RPS6KC1: variants seen among roughly 807,000 people sequenced by gnomAD.
RPS6KC1 encodes the protein inactive ribosomal protein S6 kinase delta-1.
In RPS6KC1, 54 loss-of-function variants were observed where a neutral mutation model predicts 103.8. The observed-to-expected ratio is 0.52, with a 90% CI of 0.42 to 0.65. The LOEUF is 0.65. Among genes scored for constraint, RPS6KC1 ranks in the 30% least tolerant of loss-of-function variants. RPS6KC1 has a pLI of 0.00. For synonymous variants in RPS6KC1, 439 were observed against 438.7 expected, an observed-to-expected ratio of 1.00 and a Z score of -0.01; for missense variants, 1,151 against 1,253.8, an observed-to-expected ratio of 0.92 and a Z score of 1.24.
Position 213,180,387 on chromosome 1 carries a change from A to T in RPS6KC1, c.1044+3895A>T, listed in dbSNP as rs202040561. On this transcript the variant is annotated intron_variant, in intron 8 of 14. Transcript: ENST00000366960. ...ATCCTCATAGGATATAACTAGAACC[A>T]AATTAGTACAAATTCAAGAGAAACA... is the stretch of plus-strand genomic sequence containing the variant. Among the ~76,000 whole-genome samples the T allele has an allele frequency of 3.3e-5, 5 of 152,352 alleles. No homozygotes were observed. In the South Asian group the frequency reaches 1.0e-3, roughly 32 times the overall value.
At chr1:213,737,209 T>C in the RPS6KC1 span, among the ~76,000 whole-genome samples, 1 of 152,250 alleles carries the variant, frequency 6.6e-6, no homozygotes, top group African/African-American at 2.4e-5. Context: ...AGACCTCTTC[T>C]ACAACACCAT....
chr1:213,152,836 G>T (rs2089366977), intron 6 of RPS6KC1, among the ~76,000 whole-genome samples: 1 of 151,870 alleles, frequency 6.6e-6, no homozygotes, highest in Non-Finnish European at 1.5e-5. Flanking sequence ...CCCAGACGGG[G>T]TGGCGGCCGG....
chr1:213,418,121 T>C, the RPS6KC1 span, among the ~76,000 whole-genome samples: 307 of 152,354 alleles, frequency 2.0e-3, 2 homozygotes, highest in Middle Eastern at 6.8e-3. Context: ...AACGTGATTG[T>C]GACCTTGAGT....
the RPS6KC1 span, among the ~76,000 whole-genome samples, chr1:213,478,051 C>G: frequency 1.3e-5 from 2 of 152,086 alleles, no homozygotes; most frequent in Admixed American, 6.5e-5. Context: ...CCTCTAACCC[C>G]GATCTTTTTA....
At chr1:213,456,478 C>T in the RPS6KC1 span, among the ~76,000 whole-genome samples, 24 of 152,176 alleles carry the variant, frequency 1.6e-4, no homozygotes, top group African/African-American at 4.3e-4. Flanking sequence ...CTTCATTTGT[C>T]GCCTTTCTTC....
chr1:213,637,409 A>C, the RPS6KC1 span, among the ~76,000 whole-genome samples: 1 of 51,922 alleles, frequency 1.9e-5, no homozygotes, highest in Non-Finnish European at 3.6e-5. Flanking sequence ...AAAATGTGGC[A>C]GTGGGTGGGG....
intron 8 of RPS6KC1, among the ~76,000 whole-genome samples, chr1:213,226,964 C>A (rs898885525): frequency 6.6e-6 from 1 of 152,202 alleles, no homozygotes; most frequent in Non-Finnish European, 1.5e-5. Context: ...GCCAGACTAC[C>A]CTCTACCACT....
chr1:213,524,238 G>C, the RPS6KC1 span, among the ~76,000 whole-genome samples: 1 of 152,100 alleles, frequency 6.6e-6, no homozygotes, highest in Non-Finnish European at 1.5e-5. Flanking sequence ...CATGCTGCCA[G>C]ACCTGGGAAA....
At chr1:213,515,904 A>C in the RPS6KC1 span, among the ~76,000 whole-genome samples, 10 of 151,854 alleles carry the variant, frequency 6.6e-5, no homozygotes, top group East Asian at 3.9e-4. Flanking sequence ...CTTTTATTTC[A>C]TTGAGCAGTG....
chr1:213,471,314 G>T, the RPS6KC1 span, among the ~76,000 whole-genome samples: 192 of 152,218 alleles, frequency 1.3e-3, no homozygotes, highest in Non-Finnish European at 2.0e-3. Flanking sequence ...GAACTCTGGG[G>T]TTTTTTTAGG....
At chr1:213,260,093 T>C (rs757995925) in intron 12 of RPS6KC1, among the ~76,000 whole-genome samples, 6 of 152,230 alleles carry the variant, frequency 3.9e-5, no homozygotes, top group Non-Finnish European at 8.8e-5. Context: ...CCACAACATA[T>C]ATGATTAAAT....
At chr1:213,850,224 G>T in the RPS6KC1 span, among the ~76,000 whole-genome samples, 1 of 151,974 alleles carries the variant, frequency 6.6e-6, no homozygotes, top group Non-Finnish European at 1.5e-5. Flanking sequence ...TATGATGTTG[G>T]CTGTTGCTTT....
intron 8 of RPS6KC1, among the ~76,000 whole-genome samples, chr1:213,185,413 A>C (rs896025237): frequency 3.9e-5 from 6 of 152,188 alleles, no homozygotes; most frequent in Admixed American, 1.3e-4. Flanking sequence ...TGGGAGGCCA[A>C]GGTGGGCAGG....
At chr1:213,489,264 G>T in the RPS6KC1 span, among the ~76,000 whole-genome samples, 1,633 of 152,292 alleles carry the variant, frequency 0.011, 113 homozygotes, top group Admixed American at 0.097. Context: ...GTCTTTCTGG[G>T]TGTGAAGAGT....
At chr1:213,859,837 A>G in the RPS6KC1 span, among the ~76,000 whole-genome samples, 1 of 152,298 alleles carries the variant, frequency 6.6e-6, no homozygotes, top group Non-Finnish European at 1.5e-5. Flanking sequence ...TAGGACGGAA[A>G]ACTCCATATT....
intron 8 of RPS6KC1, among the ~76,000 whole-genome samples, chr1:213,228,389 G>A (rs986047507): frequency 1.3e-5 from 2 of 152,150 alleles, no homozygotes; most frequent in Middle Eastern, 3.2e-3. Context: ...AAGAAGACAT[G>A]TCTGTAGTGT....
At chr1:213,069,256 A>G (rs1002775949) in intron 1 of RPS6KC1, among the ~76,000 whole-genome samples, 4 of 152,188 alleles carry the variant, frequency 2.6e-5, no homozygotes, top group Admixed American at 1.3e-4. Context: ...ATTAATGACA[A>G]TTACTACAAG....
intron 12 of RPS6KC1, among the ~76,000 whole-genome samples, chr1:213,260,756 CAAAAAAA>C (rs35685015): frequency 8.2e-6 from 1 of 121,680 alleles, no homozygotes; most frequent in African/African-American, 3.1e-5. Context: ...CTAAAAGCCT[CAAAAAAA>C]AAAAAAAAAA....
Position 213,221,544 on chromosome 1 carries a change from A to G in RPS6KC1, c.1045-8953A>G, listed in dbSNP as rs548197965. Among the ~76,000 whole-genome samples, 10 of 152,336 alleles carry G rather than the reference A, an allele frequency of 6.6e-5. No individual in the cohort carries two copies. In the East Asian group the frequency reaches 1.9e-3, roughly 29 times the overall value. On this transcript the variant is annotated intron_variant, in intron 8 of 14. Coordinates refer to ENST00000366960, the MANE Select transcript of RPS6KC1 (RefSeq NM_012424.6). ...TGTTAAGTTGGAAAGTTAACGTTTG[A>G]TGAAGAATCAGTAGTGCATATGAAA...
Sources: gnomAD v4.1 joint callset for allele counts (sites outside exome capture counted in the v4.1 genomes callset) on GRCh38, gnomAD v4.1.1 for gene constraint, MANE v1.5 for transcripts, NCBI Gene and HGNC (gene_info 2026-07-23, HGNC 2026-07-21) for gene names.